The following KIAA1328 variants were observed in gnomAD, a reference collection of about 807,000 sequenced individuals.
KIAA1328 encodes KIAA1328.
Under a neutral mutation model 68.1 loss-of-function variants are expected in KIAA1328, and 52 were observed. The observed-to-expected ratio is 0.76, with a 90% CI of 0.61 to 0.96. KIAA1328 has a LOEUF of 0.96. Among genes scored for constraint, KIAA1328 ranks in the 40% least tolerant of loss-of-function variants. The pLI, the probability that KIAA1328 is intolerant of heterozygous loss-of-function variation, is 0.00. For synonymous variants in KIAA1328, 232 were observed against 239.4 expected (o/e 0.97, Z 0.28); for missense variants, 641 against 677.6 (o/e 0.95, Z 0.60).
At chr18:37,147,192 T>C (rs1018788737) in intron 7 of KIAA1328, among the ~76,000 whole-genome samples, 9 of 152,208 alleles carry the variant, frequency 5.9e-5, no homozygotes, top group Non-Finnish European at 1.0e-4. Context: ...ACCTTTTTAC[T>C]TTAAGAATTA....
chr18:36,967,221 A>C (rs923727360), intron 6 of KIAA1328, among the ~76,000 whole-genome samples: 4 of 152,214 alleles, frequency 2.6e-5, no homozygotes, highest in African/African-American at 9.6e-5. Context: ...TTGAAACATG[A>C]GAAGGATTCA....
At chr18:37,055,018 C>A (rs2055854235) in intron 6 of KIAA1328, among the ~76,000 whole-genome samples, 1 of 152,098 alleles carries the variant, frequency 6.6e-6, no homozygotes, top group Non-Finnish European at 1.5e-5. Flanking sequence ...TTTAATGTCT[C>A]TCAGATTCAG....
chr18:37,131,736 A>C (rs2154201926), intron 7 of KIAA1328, among the ~76,000 whole-genome samples: 1 of 152,326 alleles, frequency 6.6e-6, no homozygotes, highest in Middle Eastern at 3.4e-3. Flanking sequence ...TGAGGAAAAA[A>C]AAGACTATCA....
At chr18:36,959,678 G>T (rs2051577791) in intron 6 of KIAA1328, among the ~76,000 whole-genome samples, 1 of 152,168 alleles carries the variant, frequency 6.6e-6, no homozygotes, top group Non-Finnish European at 1.5e-5. Flanking sequence ...GCTTCTGGTT[G>T]TATGAAAGCA....
At chr18:37,114,634 G>A (rs943796759) in intron 7 of KIAA1328, among the ~76,000 whole-genome samples, 5 of 152,166 alleles carry the variant, frequency 3.3e-5, no homozygotes, top group Non-Finnish European at 5.9e-5. Context: ...TCAAAAGCTA[G>A]CAGAAGGCAA....
intron 9 of KIAA1328, among the ~76,000 whole-genome samples, chr18:37,196,158 A>T (rs2059999784): frequency 2.0e-5 from 3 of 152,094 alleles, no homozygotes; most frequent in Admixed American, 2.0e-4. Context: ...CAACTTGACT[A>T]AATTTGTTTG....
At chr18:37,207,089 A>T (rs1032357675) in intron 9 of KIAA1328, among the ~76,000 whole-genome samples, 1 of 152,182 alleles carries the variant, frequency 6.6e-6, no homozygotes, top group Non-Finnish European at 1.5e-5. Flanking sequence ...AGTTGGAGGT[A>T]AAAAGGAGAA....
chr18:37,146,325 A>T (rs1221031104), intron 7 of KIAA1328, among the ~76,000 whole-genome samples: 1 of 152,016 alleles, frequency 6.6e-6, no homozygotes, highest in South Asian at 2.1e-4. Flanking sequence ...CCCACTTATA[A>T]GTGAGAGCAT....
chr18:36,887,195 G>T (rs890273932), intron 5 of KIAA1328, among the ~76,000 whole-genome samples: 1 of 141,906 alleles, frequency 7.0e-6, no homozygotes, highest in Non-Finnish European at 1.5e-5. Context: ...TTTTCTTCCT[G>T]CTACTTTTTT....
At chr18:36,997,149 G>C (rs1477231255) in intron 6 of KIAA1328, among the ~76,000 whole-genome samples, 2 of 152,164 alleles carry the variant, frequency 1.3e-5, no homozygotes, top group Admixed American at 6.5e-5. Context: ...CTAGTAGACA[G>C]TCCTTCAGGA....
At chr18:37,047,867 C>A (rs2055537259) in intron 6 of KIAA1328, among the ~76,000 whole-genome samples, 1 of 152,130 alleles carries the variant, frequency 6.6e-6, no homozygotes, top group Non-Finnish European at 1.5e-5. Flanking sequence ...TTCAGATCCC[C>A]ATCCTGCCCG....
At position 37,118,044 on chromosome 18, in the gene KIAA1328, G is replaced by A. The variant is rs1243476728; in HGVS notation, c.1233-42156G>A. The stretch of plus-strand genomic sequence containing the variant: ...TTTGAGACACATTCTCAATTTGGTC[G>A]CTCAGGCTGGCACAAACACCGCTTA... On this transcript the variant is annotated intron_variant, in intron 7 of 9. Coordinates refer to ENST00000280020, the MANE Select transcript of KIAA1328 (RefSeq NM_020776.3). Among the ~76,000 whole-genome samples the A allele has an allele frequency of 2.7e-5, 4 of 145,490 alleles. No individual in the cohort carries two copies. In the South Asian group the frequency reaches 8.5e-4, roughly 31 times the overall value.
chr18:36,926,751 G>A (rs775916869), intron 5 of KIAA1328, among the ~76,000 whole-genome samples: 18 of 152,142 alleles, frequency 1.2e-4, no homozygotes, highest in African/African-American at 1.7e-4. Context: ...GTGCAATACA[G>A]GGTGGGTGTG....
At chr18:36,863,369 C>G (rs1396945150) in intron 4 of KIAA1328, among the ~76,000 whole-genome samples, 2 of 151,488 alleles carry the variant, frequency 1.3e-5, no homozygotes, top group African/African-American at 2.4e-5. Context: ...GTTCTTTTTT[C>G]TGTTCCACTG....
At chr18:37,130,590 C>T (rs1006342633) in intron 7 of KIAA1328, among the ~76,000 whole-genome samples, 1 of 151,966 alleles carries the variant, frequency 6.6e-6, no homozygotes, top group Admixed American at 6.6e-5. Flanking sequence ...TGCACTCCAG[C>T]CTGGAGACAG....
chr18:37,046,353 T>A (rs1038137370), intron 6 of KIAA1328, among the ~76,000 whole-genome samples: 2 of 152,168 alleles, frequency 1.3e-5, no homozygotes, highest in Non-Finnish European at 2.9e-5. Context: ...TTATTTTATT[T>A]TTAGATGGCT....
At chr18:36,837,498 T>C (rs562523915) in intron 3 of KIAA1328, among the ~76,000 whole-genome samples, 1 of 152,306 alleles carries the variant, frequency 6.6e-6, no homozygotes, top group African/African-American at 2.4e-5. Flanking sequence ...CCTTATCAGA[T>C]ACATTATTTG....
At chr18:37,002,353 C>T (rs1230670724) in intron 6 of KIAA1328, among the ~76,000 whole-genome samples, 1 of 149,844 alleles carries the variant, frequency 6.7e-6, no homozygotes, top group African/African-American at 2.5e-5. Context: ...AGACCATAGG[C>T]ATGTGCTACC....
chr18:36,874,527 G>C (rs1196729118), intron 4 of KIAA1328, among the ~76,000 whole-genome samples: 1 of 152,048 alleles, frequency 6.6e-6, no homozygotes, highest in Non-Finnish European at 1.5e-5. Context: ...CTTTTTGATG[G>C]GGTTGTTTGT....
Sources: allele counts gnomAD v4.1 joint callset (sites outside exome capture counted in the v4.1 genomes callset), GRCh38; gene constraint gnomAD v4.1.1; transcripts MANE v1.5; gene names NCBI Gene and HGNC (gene_info 2026-07-23, HGNC 2026-07-21).